VPS16: variants seen among roughly 807,000 people sequenced by gnomAD.
VPS16 encodes VPS16 core subunit of CORVET and HOPS complexes.
Under a neutral mutation model 116.0 loss-of-function variants are expected in VPS16, and 82 were observed. The observed-to-expected ratio is 0.71, with a 90% CI of 0.59 to 0.85. The LOEUF (loss-of-function observed/expected upper bound fraction) is 0.85. Among genes scored for constraint, VPS16 ranks in the 40% least tolerant of loss-of-function variants. VPS16 has a pLI of 0.00. For synonymous variants in VPS16, 406 were observed against 420.7 expected (o/e 0.96, Z 0.43); for missense variants, 928 against 1,090.6 (o/e 0.85, Z 2.10).
rs758400722 is a variant in VPS16, at chr20:2,865,187, C to T, written c.2044C>T (p.Arg682Cys). 1.9e-5 allele frequency: 31 copies of T among 1,614,044 alleles called. No homozygotes were observed. The highest frequency in any genetic ancestry group is 1.6e-4 in the Middle Eastern group (1 of 6,084). The change falls in exon 21 of 24, where the codon CGC becomes TGC. Residue 682 changes from arginine to cysteine, a missense_variant. Physicochemically the swap from Arg to Cys is radical, Grantham distance 180. Transcript: ENST00000380445. The surrounding 1 kb of genome is among the most constrained non-coding windows in gnomAD (Gnocchi z 5.2). ...DQMRLLRLQR[R>C]LEDELGGQFL... The stretch of plus-strand genomic sequence containing the variant: ...AATGCGGCTCCTACGGCTGCAGCGG[C>T]GCCTAGAAGACGAGCTGGGGGGCCA...
chr20:2,863,201 G>A lies in VPS16; in HGVS notation c.1368-89G>A. On this transcript the variant is annotated intron_variant, in intron 14 of 23. Transcript: ENST00000380445. This position sits in a 1 kb window ranked among gnomAD's most constrained non-coding sequence, Gnocchi z 4.4. ...TCACTGCTCCTGACCTATCTAGGATGTGGGAGGCCTGATGTGCAGGCTGAG... is the reference window on the plus strand; with the variant it reads ...TCACTGCTCCTGACCTATCTAGGATATGGGAGGCCTGATGTGCAGGCTGAG... 6.2e-7 allele frequency: 1 copy of A among 1,610,812 alleles called. No individual in the cohort carries two copies. The highest frequency in any genetic ancestry group is 1.1e-5 in the South Asian group (1 of 91,000).
rs756101169 is a variant in VPS16, at chr20:2,860,899, G to A, written c.630+36G>A. ...TGAGTGGGAATGAAGTGGACGGGCT[G>A]GGTTAGGCAATAGGGAGGTTCTGAA... On this transcript the variant is annotated intron_variant, in intron 6 of 23. Coordinates refer to ENST00000380445, the MANE Select transcript of VPS16 (RefSeq NM_022575.4). This position sits in a 1 kb window ranked among gnomAD's most constrained non-coding sequence, Gnocchi z 6.1. 4 of 1,613,980 alleles carry A rather than the reference G, an allele frequency of 2.5e-6. No homozygotes were observed. Among genetic ancestry groups the A allele is most frequent in the African/African-American group, 1.3e-5 (1 of 74,940 alleles).
At chr20:2,861,307 G>T (rs759436339) in intron 8 of VPS16, 27 bp downstream of exon 8, 1 of 1,613,624 alleles carries the variant, frequency 6.2e-7, no homozygotes, top group Admixed American at 1.7e-5. Context: ...TATTGCTGGG[G>T]GTGTGGGTGA....
chr20:2,864,998 A>C lies in VPS16; in HGVS notation c.1947A>C (p.Ala649=). ...TATAGCGTATTGAGGGGCGAGTAGC[A>C]GCTCTGCAGACAGCCGCCGATGCCT... ...AAEERIEGRV[A]ALQTAADAFY... The change falls in exon 20 of 24, where the codon GCA becomes GCC. Residue 649 remains alanine, a synonymous_variant. Coordinates refer to ENST00000380445, the MANE Select transcript of VPS16 (RefSeq NM_022575.4). The surrounding 1 kb of genome is among the most constrained non-coding windows in gnomAD (Gnocchi z 5.2). 1 of 1,614,144 alleles carries C rather than the reference A, an allele frequency of 6.2e-7. No individual in the cohort carries two copies. The highest frequency in any genetic ancestry group is 8.5e-7 in the Non-Finnish European group (1 of 1,180,024).
Position 2,860,121 on chromosome 20 carries a change from T to G in VPS16, c.210T>G (p.Ser70=), listed in dbSNP as rs142889036. ...ASVRPVLDIY[S]ASGMPLASLL... is the part of the protein sequence containing the mutation. ...TGAGGCCAGTGCTCGATATATACTC[T>G]GCTTCCGGCATGCCTCTGGCCAGCC... The change falls in exon 3 of 24, where the codon TCT becomes TCG. Residue 70 remains serine (S), a synonymous_variant. Transcript: ENST00000380445. The surrounding 1 kb of genome is among the most constrained non-coding windows in gnomAD (Gnocchi z 6.1). The G allele has an allele frequency of 1.7e-5, 28 of 1,614,076 alleles. No individual in the cohort carries two copies. In the African/African-American group the frequency reaches 3.5e-4, roughly 20 times the overall value.
Position 2,864,917 on chromosome 20 carries a change from G to A in VPS16, c.1927-61G>A, listed in dbSNP as rs1159220044. On this transcript the variant is annotated intron_variant, in intron 19 of 23. Coordinates refer to ENST00000380445, the MANE Select transcript of VPS16 (RefSeq NM_022575.4). The surrounding 1 kb of genome is among the most constrained non-coding windows in gnomAD (Gnocchi z 5.2). ...GGGATGGGGGAGAAGACTGTAGCCTGGGTGAGGAGGGCGAGGGTCCTGCAT... is the reference window on the plus strand; with the variant it reads ...GGGATGGGGGAGAAGACTGTAGCCTAGGTGAGGAGGGCGAGGGTCCTGCAT... 12 of 1,605,944 alleles carry A rather than the reference G, an allele frequency of 7.5e-6. No individual in the cohort carries two copies. Among genetic ancestry groups the A allele is most frequent in the African/African-American group, 2.7e-5 (2 of 74,796 alleles).
chr20:2,854,889 GACA>G (rs962898050), intron 1 of VPS16, among the ~76,000 whole-genome samples: 2 of 134,630 alleles, frequency 1.5e-5, no homozygotes, highest in African/African-American at 6.4e-5. Flanking sequence ...AAGGCATAAA[GACA>G]ACATTAATCT....
intron 1 of VPS16, among the ~76,000 whole-genome samples, chr20:2,849,467 A>G (rs2089095236): frequency 6.6e-6 from 1 of 151,904 alleles, no homozygotes; most frequent in Admixed American, 6.6e-5. Flanking sequence ...CGCCCAGCTA[A>G]TTTTGTATTT....
chr20:2,853,273 C>A (rs2089139218), intron 1 of VPS16, among the ~76,000 whole-genome samples: 2 of 152,086 alleles, frequency 1.3e-5, no homozygotes, highest in Admixed American at 1.3e-4. Context: ...TGCCTGTAAT[C>A]CCAGCTACAG....
At chr20:2,854,660 G>A (rs1379715743) in intron 1 of VPS16, among the ~76,000 whole-genome samples, 1 of 150,180 alleles carries the variant, frequency 6.7e-6, no homozygotes, top group Non-Finnish European at 1.5e-5. Context: ...GCTGGGCATG[G>A]TGGTGCATGC....
chr20:2,865,315 G>C lies in VPS16; in HGVS notation c.2172G>C (p.Lys724Asn). The C allele has an allele frequency of 6.2e-7, 1 of 1,614,192 alleles. No individual in the cohort carries two copies. The highest frequency in any genetic ancestry group is 8.5e-7 in the Non-Finnish European group (1 of 1,180,030). The change falls in exon 21 of 24, where the codon AAG becomes AAC. Residue 724 changes from lysine (K) to asparagine (N), a missense_variant and splice_region_variant. Transcript: ENST00000380445. This position sits in a 1 kb window ranked among gnomAD's most constrained non-coding sequence, Gnocchi z 5.2. ...QLARDFRIPDKRLWWLKLTAL... is the reference protein window; with the variant it reads ...QLARDFRIPDNRLWWLKLTAL... ...CACGTGACTTCCGCATCCCTGACAA[G>C]AGGTAGGTGAGGGCCCAGGCTGCAT...
At position 2,860,275 on chromosome 20, in the gene VPS16, G is replaced by A. The variant is rs751557519; in HGVS notation, c.277G>A (p.Ala93Thr). 2.2e-5 allele frequency: 36 copies of A among 1,614,126 alleles called. No homozygotes were observed. Among genetic ancestry groups the A allele is most frequent in the Non-Finnish European group, 2.6e-5 (31 of 1,180,020 alleles). Residue 93 changes from alanine (A) to threonine (T), a missense_variant, in exon 4 of 24, where the codon GCT becomes ACT. By Grantham distance (58) the Ala-to-Thr change is moderately conservative. Coordinates refer to ENST00000380445, the MANE Select transcript of VPS16 (RefSeq NM_022575.4). The surrounding 1 kb of genome is among the most constrained non-coding windows in gnomAD (Gnocchi z 6.1). ...ACCCGTGGTGTCCCTGGGCTGGTCA[G>A]CTGAGGAGGAGCTGCTCTGTGTGCA... is the stretch of plus-strand genomic sequence containing the variant. ...SGPVVSLGWS[A>T]EEELLCVQED...
At chr20:2,853,112 C>T (rs116630089) in intron 1 of VPS16, among the ~76,000 whole-genome samples, 251 of 152,226 alleles carry the variant, frequency 1.6e-3, no homozygotes, top group African/African-American at 5.3e-3. Flanking sequence ...CACTTTCAGC[C>T]GGGCATGGTG....
At chr20:2,853,181 A>G (rs1461547333) in intron 1 of VPS16, among the ~76,000 whole-genome samples, 1 of 152,186 alleles carries the variant, frequency 6.6e-6, no homozygotes, top group Non-Finnish European at 1.5e-5. Context: ...ACTTGAGGCC[A>G]GGAGTTCAAA....
At position 2,861,695 on chromosome 20, in the gene VPS16, A is replaced by G; in HGVS notation, c.890A>G (p.Glu297Gly). Residue 297 changes from glutamate (E) to glycine (G), a missense_variant, in exon 9 of 24, where the codon GAG becomes GGG. Glu to Gly is a moderately conservative substitution (Grantham distance 98). Coordinates refer to ENST00000380445, the MANE Select transcript of VPS16 (RefSeq NM_022575.4). ...CTGATGGTGGTGGGCGATGCACCCG[A>G]GAGCATCCAGTATCCTTGGAGGGCT... ...RRLMVVGDAP[E>G]SIQFVLDEDS... is the part of the protein sequence containing the mutation. 1 of 1,612,950 alleles carries G rather than the reference A, an allele frequency of 6.2e-7. No homozygotes were observed. Among genetic ancestry groups the G allele is most frequent in the African/African-American group, 1.3e-5 (1 of 74,986 alleles).
intron 1 of VPS16, among the ~76,000 whole-genome samples, chr20:2,856,414 A>C (rs1207000979): frequency 1.3e-5 from 2 of 152,244 alleles, no homozygotes; most frequent in African/African-American, 4.8e-5. Flanking sequence ...TGTGACACAG[A>C]GACATGAAGT....
intron 1 of VPS16, among the ~76,000 whole-genome samples, chr20:2,845,626 T>C (rs1160813469): frequency 6.6e-6 from 1 of 152,056 alleles, no homozygotes; most frequent in Non-Finnish European, 1.5e-5. Flanking sequence ...TGGTTAAATA[T>C]ACATGATATA....
Position 2,864,792 on chromosome 20 carries a change from G to A in VPS16, c.1926+138G>A. ...CACTGTGAGGGAGACTCTGACGTGA[G>A]GCCAGGATGGGGGTTAGTGTCAGAG... On this transcript the variant is annotated intron_variant, in intron 19 of 23. Coordinates refer to ENST00000380445, the MANE Select transcript of VPS16 (RefSeq NM_022575.4). This position sits in a 1 kb window ranked among gnomAD's most constrained non-coding sequence, Gnocchi z 5.2. 8.7e-7 allele frequency: 1 copy of A among 1,155,326 alleles called. No individual in the cohort carries two copies. The highest frequency in any genetic ancestry group is 1.3e-6 in the Non-Finnish European group (1 of 798,438). 71.6% of individuals were successfully genotyped at this position (1,155,326 alleles called of 1,614,324 possible). A position where few individuals can be genotyped will look rare whatever the true frequency, so the allele number is the denominator to read the frequency against.
Position 2,860,652 on chromosome 20 carries a change from T to G in VPS16, c.514+59T>G. On this transcript the variant is annotated intron_variant, in intron 5 of 23. Transcript: ENST00000380445. The surrounding 1 kb of genome is among the most constrained non-coding windows in gnomAD (Gnocchi z 6.1). ...TACCCACAGATGTGCCTCTAGCCTG[T>G]GAGACCCATAAAAACAGAAGCTGTG... 6.2e-7 allele frequency: 1 copy of G among 1,610,392 alleles called. No homozygotes were observed. Among genetic ancestry groups the G allele is most frequent in the Non-Finnish European group, 8.5e-7 (1 of 1,178,168 alleles).
Sources: gnomAD v4.1 joint callset for allele counts (sites outside exome capture counted in the v4.1 genomes callset) on GRCh38, gnomAD v4.1.1 for gene constraint, Gnocchi (gnomAD v3.1) non-coding constraint, MANE v1.5 for transcripts, NCBI Gene and HGNC (gene_info 2026-07-23, HGNC 2026-07-21) for gene names.